Variants in GIPC2 observed in about 807,000 individuals in gnomAD.
The protein encoded by GIPC2 is PDZ domain-containing protein GIPC2.
A neutral mutation model predicts 30.6 loss-of-function variants in GIPC2; 30 were observed. That is an observed-to-expected ratio of 0.98 (90% CI 0.73 to 1.33). GIPC2 has a LOEUF of 1.33. GIPC2 is among the 40% of genes most tolerant of loss of function. The pLI, the probability that GIPC2 is intolerant of heterozygous loss-of-function variation, is 0.00. For synonymous variants in GIPC2, 167 were observed against 150.0 expected, an observed-to-expected ratio of 1.11 and a Z score of -0.83; for missense variants, 414 against 390.3, an observed-to-expected ratio of 1.06 and a Z score of -0.51.
intron 1 of GIPC2, among the ~76,000 whole-genome samples, chr1:78,063,474 A>G (rs559018364): frequency 2.4e-4 from 37 of 151,604 alleles, no homozygotes; most frequent in African/African-American, 8.7e-4. Flanking sequence ...CCTGGGCCAC[A>G]AGAGCTAAAC....
intron 2 of GIPC2, among the ~76,000 whole-genome samples, chr1:78,085,519 A>G (rs1400949578): frequency 6.7e-6 from 1 of 148,868 alleles, no homozygotes; most frequent in Non-Finnish European, 1.5e-5. Flanking sequence ...TGTATATTTG[A>G]TAGAATTCAG....
intron 2 of GIPC2, among the ~76,000 whole-genome samples, chr1:78,088,724 G>A (rs1023837003): frequency 6.6e-6 from 1 of 151,686 alleles, no homozygotes; most frequent in Non-Finnish European, 1.5e-5. Flanking sequence ...TGCACCTATA[G>A]TACCAGCTAC....
intron 1 of GIPC2, among the ~76,000 whole-genome samples, chr1:78,053,125 G>A (rs1406003584): frequency 1.3e-5 from 2 of 152,198 alleles, no homozygotes; most frequent in Non-Finnish European, 2.9e-5. Context: ...GGAATATGAA[G>A]TAAGCCCGTC....
intron 1 of GIPC2, among the ~76,000 whole-genome samples, chr1:78,057,965 T>G (rs1030390610): frequency 1.9e-4 from 29 of 152,228 alleles, no homozygotes; most frequent in African/African-American, 7.0e-4. Flanking sequence ...ATTTCTTGCC[T>G]TAAGGACCTA....
intron 1 of GIPC2, among the ~76,000 whole-genome samples, chr1:78,071,824 G>A (rs1350424078): frequency 6.6e-6 from 1 of 152,088 alleles, no homozygotes. Flanking sequence ...TTTGTCATTC[G>A]CTAGCTGTGT....
At chr1:78,085,318 T>C (rs1458196465) in intron 2 of GIPC2, among the ~76,000 whole-genome samples, 5 of 152,184 alleles carry the variant, frequency 3.3e-5, no homozygotes, top group East Asian at 3.9e-4. Flanking sequence ...GATGTGCTGC[T>C]GGATTTGATT....
chr1:78,079,308 C>G (rs1425749850), intron 1 of GIPC2, among the ~76,000 whole-genome samples: 1 of 152,118 alleles, frequency 6.6e-6, no homozygotes, highest in Non-Finnish European at 1.5e-5. Context: ...GGGATTTGCT[C>G]TGAGCTTGGC....
At chr1:78,080,639 G>A (rs755109819) in intron 1 of GIPC2, 36 bp from the exon 2 acceptor site, 2 of 1,227,154 alleles carry the variant, frequency 1.6e-6, no homozygotes, top group South Asian at 1.4e-5. Context: ...TGTATTCCAA[G>A]TGGAAATGGA....
intron 2 of GIPC2, 99 bp downstream of exon 2, chr1:78,080,959 C>A: frequency 3.4e-6 from 2 of 589,142 alleles, no homozygotes; most frequent in Non-Finnish European, 5.7e-6. Flanking sequence ...GAGTGAGAGC[C>A]CGCTCAGCAA....
chr1:78,049,507 G>A (rs780346115), intron 1 of GIPC2, among the ~76,000 whole-genome samples: 5 of 152,172 alleles, frequency 3.3e-5, no homozygotes, highest in African/African-American at 4.8e-5. Context: ...CCCCCTTAAT[G>A]GGATTGAATA....
intron 1 of GIPC2, among the ~76,000 whole-genome samples, chr1:78,062,387 G>A (rs1474467929): frequency 6.6e-6 from 1 of 151,800 alleles, no homozygotes; most frequent in Non-Finnish European, 1.5e-5. Context: ...CTTCTTCTGT[G>A]TTCTCTGTGC....
chr1:78,098,424 T>G (rs1662178969), intron 3 of GIPC2, among the ~76,000 whole-genome samples: 1 of 152,238 alleles, frequency 6.6e-6, no homozygotes, highest in African/African-American at 2.4e-5. Context: ...TTGACTATAC[T>G]TCTAGGAAGA....
rs545300588 is a variant in GIPC2, at chr1:78,064,937, G to A, written c.241-15738G>A. On this transcript the variant is annotated intron_variant, in intron 1 of 5. Transcript: ENST00000370759. The stretch of plus-strand genomic sequence containing the variant: ...TTTTTTGTATTTTTGTAGAGACAGG[G>A]TTTTACTATGTTGGCCAGGCTGGTC... 3.3e-5 allele frequency among the ~76,000 whole-genome samples: 5 copies of A among 152,092 alleles called. No individual in the cohort carries two copies. In the East Asian group the frequency reaches 9.7e-4, roughly 29 times the overall value.
chr1:78,128,848 C>A (rs1189226027), intron 5 of GIPC2, among the ~76,000 whole-genome samples: 1 of 151,156 alleles, frequency 6.6e-6, no homozygotes, highest in Non-Finnish European at 1.5e-5. Context: ...CAAAACAAAA[C>A]AAAAAAATTA....
chr1:78,111,066 C>T (rs955402175), intron 3 of GIPC2, among the ~76,000 whole-genome samples: 1 of 152,166 alleles, frequency 6.6e-6, no homozygotes, highest in African/African-American at 2.4e-5. Flanking sequence ...TGATATTTCT[C>T]TTGGTGCTCT....
chr1:78,045,399 G>A (rs1661049706), upstream of GIPC2, among the ~76,000 whole-genome samples: 1 of 152,208 alleles, frequency 6.6e-6, no homozygotes. Flanking sequence ...TACTATATGA[G>A]GCAAGGTCCT....
At chr1:78,072,958 C>T (rs1362493261) in intron 1 of GIPC2, among the ~76,000 whole-genome samples, 1 of 112,776 alleles carries the variant, frequency 8.9e-6, no homozygotes, top group Admixed American at 9.5e-5. Flanking sequence ...GCGCCCACCA[C>T]CACGCCCAGC....
In GIPC2 at chr1:78,095,149, TG is replaced by T. The variant is rs1253388816; in HGVS notation, c.607+20del. 1.3e-6 allele frequency: 2 copies of T among 1,580,282 alleles called. No homozygotes were observed. Among genetic ancestry groups the T allele is most frequent in the African/African-American group, 2.7e-5 (2 of 73,916 alleles). ...AGGCATTTGGTAAGTCAGGGGTTGG[TG>T]GGCGGGTGTGTGAAATGTTTGCTTT... On this transcript the variant is annotated intron_variant, in intron 3 of 5. Coordinates refer to ENST00000370759, the MANE Select transcript of GIPC2 (RefSeq NM_017655.6).
intron 1 of GIPC2, among the ~76,000 whole-genome samples, chr1:78,064,945 A>G (rs745725375): frequency 1.3e-4 from 19 of 151,946 alleles, no homozygotes; most frequent in African/African-American, 2.2e-4. Context: ...GGGTTTTACT[A>G]TGTTGGCCAG....
Sources: allele counts gnomAD v4.1 joint callset (sites outside exome capture counted in the v4.1 genomes callset), GRCh38; gene constraint gnomAD v4.1.1; transcripts MANE v1.5; gene names NCBI Gene and HGNC (gene_info 2026-07-23, HGNC 2026-07-21).